NEIL2: variants seen among roughly 807,000 people sequenced by gnomAD.
NEIL2 encodes endonuclease 8-like 2.
NEIL2 carries 23 observed loss-of-function variants against 22.2 expected under a neutral mutation model. That is an observed-to-expected ratio of 1.04 (90% confidence interval 0.75 to 1.47). NEIL2 has a LOEUF of 1.47. NEIL2 is among the 40% of genes most tolerant of loss of function. The pLI is 0.00. For missense variants in NEIL2, 583 were observed against 404.7 expected, an observed-to-expected ratio of 1.44 and a Z score of -3.78; for synonymous variants, 229 against 164.8, an observed-to-expected ratio of 1.39 and a Z score of -2.99.
At chr8:11,783,727 C>T (rs8191647) in intron 4 of NEIL2, among the ~76,000 whole-genome samples, 3,997 of 152,298 alleles carry the variant, frequency 0.026, 167 homozygotes, top group African/African-American at 0.091. Context: ...CACAGTGCAG[C>T]GCCTGCACGT....
intron 3 of NEIL2, among the ~76,000 whole-genome samples, chr8:11,781,128 T>G (rs1804384769): frequency 6.6e-6 from 1 of 152,006 alleles, no homozygotes; most frequent in Middle Eastern, 3.2e-3. Flanking sequence ...TTCTATTTTC[T>G]GAAGTTTTAT....
rs1307223980 is a variant in NEIL2, at chr8:11,782,971, A to G, written c.492-232A>G. 4 of 596,842 alleles carry G rather than the reference A, an allele frequency of 6.7e-6. No individual in the cohort carries two copies. In the African/African-American group the frequency reaches 7.6e-5, roughly 11 times the overall value. The allele number at this position is 596,842 out of a possible 1,614,324, so 37.0% of individuals were successfully genotyped here. ...AGTGTCCTCTGACTATGTTGTGGTA[A>G]TGATGTGGGGATGTGTGTATGTGTG... On this transcript the variant is annotated intron_variant, in intron 3 of 4. Transcript: ENST00000284503.
Position 11,786,513 on chromosome 8 carries a change from G to A in NEIL2, c.*240G>A. The A allele has an allele frequency of 5.3e-6, 3 of 568,454 alleles. No homozygotes were observed. Among genetic ancestry groups the A allele is most frequent in the Non-Finnish European group, 9.4e-6 (3 of 318,566 alleles). 35.2% of individuals were successfully genotyped at this position (568,454 alleles called of 1,614,324 possible). A position where few individuals can be genotyped will look rare whatever the true frequency, so the allele number is the denominator to read the frequency against. ...GTTGAATTGCACCATCGTGAAAGATGGGAAAAATCGTGATGATGGGTAAGG... is the reference window on the plus strand; with the variant it reads ...GTTGAATTGCACCATCGTGAAAGATAGGAAAAATCGTGATGATGGGTAAGG... On this transcript the variant is annotated 3_prime_UTR_variant, in exon 5 of 5. Coordinates refer to ENST00000284503, the MANE Select transcript of NEIL2 (RefSeq NM_145043.4).
rs377172382 is a variant in NEIL2, at chr8:11,784,497, A to G, written c.688+1098A>G. On this transcript the variant is annotated intron_variant, in intron 4 of 4. Coordinates refer to ENST00000284503, the MANE Select transcript of NEIL2 (RefSeq NM_145043.4). ...GTGAATCCAGGTGTTTTGTCAATGA[A>G]TTCTGGAGAGACTGATGTGTGTAAT... Among the ~76,000 whole-genome samples the G allele has an allele frequency of 4.6e-5, 7 of 152,226 alleles. No individual in the cohort carries two copies. In the East Asian group the frequency reaches 1.3e-3, roughly 29 times the overall value.
In NEIL2 at chr8:11,777,686, C is replaced by A. The variant is rs8191595; in HGVS notation, c.139-1912C>A. Among the ~76,000 whole-genome samples the A allele has an allele frequency of 1.8e-3, 269 of 152,306 alleles. 4 individuals are homozygous for A. In the South Asian group the frequency reaches 0.02, roughly 11 times the overall value. On this transcript the variant is annotated intron_variant, in intron 2 of 4. Transcript: ENST00000284503. ...CACTTAGTATAAAGTCCTCAAAGTT[C>A]ACCCATGTTATAGATAAGGGAAGAT...
intron 2 of NEIL2, among the ~76,000 whole-genome samples, chr8:11,776,897 T>C (rs1485193807): frequency 1.3e-5 from 2 of 152,084 alleles, no homozygotes; most frequent in Non-Finnish European, 2.9e-5. Flanking sequence ...GTCCTGAGAG[T>C]TGAGAGCTCT....
At position 11,770,355 on chromosome 8, in the gene NEIL2, T is replaced by A. The variant is rs900903801; in HGVS notation, c.-3+20T>A. The stretch of plus-strand genomic sequence containing the variant: ...GTTAAGGTCAGCAGCGTTTGGCACG[T>A]CTCCTTCCAGCCTGGCGGTTTTGTC... On this transcript the variant is annotated intron_variant, in intron 1 of 4. Coordinates refer to ENST00000284503, the MANE Select transcript of NEIL2 (RefSeq NM_145043.4). The A allele has an allele frequency of 1.3e-5, 2 of 152,130 alleles. No individual in the cohort carries two copies. Among genetic ancestry groups the A allele is most frequent in the Non-Finnish European group, 2.9e-5 (2 of 68,032 alleles). 9.4% of individuals were successfully genotyped at this position (152,130 alleles called of 1,614,324 possible). A position where few individuals can be genotyped will look rare whatever the true frequency, so the allele number is the denominator to read the frequency against.
intron 2 of NEIL2, 84 bp from the exon 3 acceptor site, chr8:11,779,514 A>G: frequency 9.1e-7 from 1 of 1,100,708 alleles, no homozygotes; most frequent in Non-Finnish European, 1.4e-6. Flanking sequence ...GAGAAGGAAG[A>G]CCTTTGCAAT....
chr8:11,777,593 T>G (rs1804022907), intron 2 of NEIL2, among the ~76,000 whole-genome samples: 1 of 152,214 alleles, frequency 6.6e-6, no homozygotes, highest in Admixed American at 6.5e-5. Flanking sequence ...TCGATGAATT[T>G]TACTTCCCCA....
intron 4 of NEIL2, 113 bp from the exon 5 acceptor site, chr8:11,785,850 C>G (rs1181622520): frequency 1.0e-6 from 1 of 964,112 alleles, no homozygotes; most frequent in Admixed American, 1.7e-5. Context: ...GCAGACCCGT[C>G]TAGGGTCCCC....
intron 4 of NEIL2, among the ~76,000 whole-genome samples, chr8:11,785,240 G>A (rs1243659445): frequency 1.3e-5 from 2 of 152,054 alleles, no homozygotes; most frequent in Non-Finnish European, 2.9e-5. Context: ...ATGTTGCCCA[G>A]GCTGGAGTGC....
At chr8:11,782,354 G>A (rs1395041604) in intron 3 of NEIL2, among the ~76,000 whole-genome samples, 1 of 152,170 alleles carries the variant, frequency 6.6e-6, no homozygotes, top group African/African-American at 2.4e-5. Flanking sequence ...GAACCTGGGA[G>A]GAAGAGATTG....
chr8:11,779,328 C>T (rs1804186667), intron 2 of NEIL2, among the ~76,000 whole-genome samples: 1 of 152,194 alleles, frequency 6.6e-6, no homozygotes, highest in Non-Finnish European at 1.5e-5. Context: ...GGGAGCGATT[C>T]CCTTCAGGTA....
chr8:11,780,698 A>G (rs778491287), intron 3 of NEIL2, among the ~76,000 whole-genome samples: 2 of 152,306 alleles, frequency 1.3e-5, no homozygotes, highest in African/African-American at 2.4e-5. Context: ...TTTATAATCT[A>G]TGAATGTTGA....
In NEIL2 at chr8:11,785,991, C is replaced by G; in HGVS notation, c.717C>G (p.Tyr239Ter). The change falls in exon 5 of 5, where the codon TAC becomes TAG. Residue 239 changes from tyrosine to a stop codon, truncating the protein, a stop_gained. Transcript: ENST00000284503. LOFTEE classifies it low-confidence loss of function (END_TRUNC). ...ACATCATTAAGAATGAAGCCTTGTA[C>G]AGAGCTGGGATCCATCCCCTTTCTC... is the stretch of plus-strand genomic sequence containing the variant. Reference protein sequence around the residue: ...LGNIIKNEALYRAGIHPLSLG... With the variant: ...LGNIIKNEAL The G allele has an allele frequency of 6.2e-7, 1 of 1,614,120 alleles. No individual in the cohort carries two copies. Among genetic ancestry groups the G allele is most frequent in the Non-Finnish European group, 8.5e-7 (1 of 1,180,004 alleles).
rs1319228739 is a variant in NEIL2 at position 11,787,263 on chromosome 8, T to C, written c.*990T>C. The C allele has an allele frequency of 1.3e-5, 2 of 152,696 alleles. No individual in the cohort carries two copies. The highest frequency in any genetic ancestry group is 2.9e-5 in the Non-Finnish European group (2 of 68,082). The allele number at this position is 152,696 out of a possible 1,614,324, so 9.5% of individuals were successfully genotyped here. On this transcript the variant is annotated 3_prime_UTR_variant, in exon 5 of 5. Transcript: ENST00000284503. ...GTTGAACAATTCAGGAATCAAGGGC[T>C]GTGGAGAAACTCCCTCATGTTGTTG...
intron 2 of NEIL2, among the ~76,000 whole-genome samples, chr8:11,775,599 T>C (rs1300942862): frequency 6.6e-6 from 1 of 152,190 alleles, no homozygotes; most frequent in Non-Finnish European, 1.5e-5. Context: ...CCCCAGAAAA[T>C]GGGTTTTTCT....
chr8:11,776,199 AC>A (rs1803891704), intron 2 of NEIL2, among the ~76,000 whole-genome samples: 1 of 152,256 alleles, frequency 6.6e-6, no homozygotes, highest in East Asian at 1.9e-4. Flanking sequence ...GGCATGTCTT[AC>A]ATGGCAGCAG....
At chr8:11,781,440 G>A (rs1400122740) in intron 3 of NEIL2, among the ~76,000 whole-genome samples, 2 of 152,182 alleles carry the variant, frequency 1.3e-5, no homozygotes, top group Non-Finnish European at 2.9e-5. Flanking sequence ...CAGAAGAAGA[G>A]CAGATCATTT....
Sources: allele counts gnomAD v4.1 joint callset (sites outside exome capture counted in the v4.1 genomes callset), GRCh38; gene constraint gnomAD v4.1.1; transcripts MANE v1.5; gene names NCBI Gene and HGNC (gene_info 2026-07-23, HGNC 2026-07-21).